RANBP2: variants seen among roughly 807,000 people sequenced by gnomAD.
RANBP2 encodes E3 SUMO-protein ligase RanBP2.
Under a neutral mutation model 303.6 loss-of-function variants are expected in RANBP2, and 57 were observed. The ratio of observed to expected loss-of-function variants is 0.19; its 90% CI spans 0.15 to 0.23. The LOEUF (loss-of-function observed/expected upper bound fraction) is 0.23, where lower values mean the gene tolerates loss of function less well. Ranked by LOEUF, RANBP2 falls within the 10% of genes least tolerant of loss-of-function variation. The pLI, the probability that RANBP2 is intolerant of heterozygous loss-of-function variation, is 1.00. For synonymous variants in RANBP2, 1,167 were observed against 1,301.5 expected, an observed-to-expected ratio of 0.90 and a Z score of 2.23; for missense variants, 3,138 against 3,780.8, an observed-to-expected ratio of 0.83 and a Z score of 4.46.
the RANBP2 span, among the ~76,000 whole-genome samples, chr2:108,952,198 T>A: frequency 6.6e-6 from 1 of 152,296 alleles, no homozygotes; most frequent in Non-Finnish European, 1.5e-5. Context: ...ATGAGCACCA[T>A]GTGTGGAAGG....
chr2:109,539,056 T>C, the RANBP2 span, among the ~76,000 whole-genome samples: 1 of 152,096 alleles, frequency 6.6e-6, no homozygotes, highest in East Asian at 1.9e-4. Flanking sequence ...TTCCAACACT[T>C]TGGGAGGCCA....
the RANBP2 span, among the ~76,000 whole-genome samples, chr2:108,901,671 TTAACTC>T: frequency 8.5e-5 from 13 of 152,274 alleles, no homozygotes; most frequent in South Asian, 6.2e-4. Flanking sequence ...ACTTGCAACT[TTAACTC>T]TACACATATA....
At chr2:108,944,303 G>A in the RANBP2 span, among the ~76,000 whole-genome samples, 4 of 152,076 alleles carry the variant, frequency 2.6e-5, no homozygotes, top group African/African-American at 9.7e-5. Flanking sequence ...TAGTAGAGAC[G>A]GGGTTTCACC....
At chr2:109,401,662 C>T in the RANBP2 span, among the ~76,000 whole-genome samples, 1 of 152,230 alleles carries the variant, frequency 6.6e-6, no homozygotes, top group Non-Finnish European at 1.5e-5. Flanking sequence ...GGGGCATCTT[C>T]TCTGCCACTT....
chr2:108,773,083 A>AT (rs773482021), intron 23 of RANBP2, 37 bp downstream of exon 23: 1 of 1,570,226 alleles, frequency 6.4e-7, no homozygotes, highest in Non-Finnish European at 8.7e-7. Flanking sequence ...TTCTAGTTCC[A>AT]TTGCCTTTGT....
chr2:108,906,534 T>G, the RANBP2 span, among the ~76,000 whole-genome samples: 1 of 152,154 alleles, frequency 6.6e-6, no homozygotes, highest in Non-Finnish European at 1.5e-5. Flanking sequence ...GAGGAGGGCC[T>G]TCTTCAGGTT....
chr2:108,797,006 G>T, the RANBP2 span, among the ~76,000 whole-genome samples: 1 of 152,186 alleles, frequency 6.6e-6, no homozygotes, highest in Non-Finnish European at 1.5e-5. Context: ...AAATGTTTGA[G>T]GTAATAGATA....
At chr2:109,247,461 C>T in the RANBP2 span, among the ~76,000 whole-genome samples, 1 of 152,226 alleles carries the variant, frequency 6.6e-6, no homozygotes, top group Non-Finnish European at 1.5e-5. Flanking sequence ...CCTCTGAGGA[C>T]ACTTCCTGGA....
the RANBP2 span, among the ~76,000 whole-genome samples, chr2:109,681,789 C>T: frequency 6.4e-3 from 971 of 152,316 alleles, 55 homozygotes; most frequent in East Asian, 0.15. Flanking sequence ...TGCTCTTGCC[C>T]GGCATTCAGC....
At chr2:109,166,662 C>T in the RANBP2 span, among the ~76,000 whole-genome samples, 14 of 152,210 alleles carry the variant, frequency 9.2e-5, no homozygotes, top group African/African-American at 2.6e-4. Flanking sequence ...CAGAAGGAAT[C>T]GAGGGAGCAG....
chr2:109,720,531 C>G, the RANBP2 span, among the ~76,000 whole-genome samples: 4 of 152,204 alleles, frequency 2.6e-5, no homozygotes, highest in African/African-American at 7.2e-5. Context: ...TCTTATGCAC[C>G]ATGTGGGGCT....
chr2:109,465,273 G>A, the RANBP2 span, among the ~76,000 whole-genome samples: 2 of 152,154 alleles, frequency 1.3e-5, no homozygotes, highest in African/African-American at 4.8e-5. Context: ...GAATACAGCC[G>A]CTATAAACAT....
the RANBP2 span, among the ~76,000 whole-genome samples, chr2:109,301,202 C>T: frequency 2.6e-5 from 4 of 152,134 alleles, no homozygotes; most frequent in African/African-American, 7.2e-5. Flanking sequence ...GGTTCCTCTG[C>T]GCAGGCTGAT....
chr2:109,246,016 G>C, the RANBP2 span, among the ~76,000 whole-genome samples: 3 of 152,222 alleles, frequency 2.0e-5, no homozygotes, highest in Non-Finnish European at 4.4e-5. Context: ...CAAAAAAAGA[G>C]CATGGATTTT....
chr2:109,721,213 C>T, the RANBP2 span, among the ~76,000 whole-genome samples: 3 of 152,216 alleles, frequency 2.0e-5, no homozygotes, highest in Non-Finnish European at 4.4e-5. Flanking sequence ...CCTCGGAACA[C>T]GAACTTTCTT....
chr2:109,214,025 C>T, the RANBP2 span, among the ~76,000 whole-genome samples: 2 of 152,104 alleles, frequency 1.3e-5, no homozygotes, highest in African/African-American at 2.4e-5. Context: ...AGCTCTGAGA[C>T]CAGCCCTGCA....
the RANBP2 span, among the ~76,000 whole-genome samples, chr2:108,988,527 T>C: frequency 2.6e-5 from 4 of 152,090 alleles, no homozygotes; most frequent in African/African-American, 9.7e-5. Context: ...GAAGGTCTCT[T>C]AGGTCACAGC....
chr2:109,734,084 C>T, the RANBP2 span, among the ~76,000 whole-genome samples: 19 of 149,348 alleles, frequency 1.3e-4, no homozygotes, highest in South Asian at 4.3e-4. Context: ...GAGGCTGAGG[C>T]GGGAGAATTG....
chr2:108,881,235 A>G, the RANBP2 span, among the ~76,000 whole-genome samples: 2 of 152,210 alleles, frequency 1.3e-5, no homozygotes, highest in Admixed American at 1.3e-4. Context: ...TGTTGCTTCA[A>G]CTTGCACTTT....
Sources: allele counts gnomAD v4.1 joint callset (sites outside exome capture counted in the v4.1 genomes callset), GRCh38; gene constraint gnomAD v4.1.1; transcripts MANE v1.5; gene names NCBI Gene and HGNC (gene_info 2026-07-23, HGNC 2026-07-21).